SLC7A14: variants seen among roughly 807,000 people sequenced by gnomAD.
SLC7A14 encodes solute carrier family 7 member 14.
Under a neutral mutation model 60.2 loss-of-function variants are expected in SLC7A14, and 37 were observed. That is an observed-to-expected ratio of 0.61 (90% CI 0.47 to 0.81). SLC7A14 has a LOEUF of 0.81. Among genes scored for constraint, SLC7A14 ranks in the 30% least tolerant of loss-of-function variants. The pLI, the probability that SLC7A14 is intolerant of heterozygous loss-of-function variation, is 0.00. For missense variants in SLC7A14, 886 were observed against 982.7 expected, an observed-to-expected ratio of 0.90 and a Z score of 1.32; for synonymous variants, 399 against 395.8, an observed-to-expected ratio of 1.01 and a Z score of -0.10.
intron 1 of SLC7A14, among the ~76,000 whole-genome samples, chr3:170,558,293 G>A (rs991920718): frequency 1.3e-5 from 2 of 152,070 alleles, no homozygotes; most frequent in East Asian, 1.9e-4. Flanking sequence ...GCTTGAACCC[G>A]GGAAGCAGAG....
Position 170,527,026 on chromosome 3 carries a change from G to A in SLC7A14, c.-90C>T. On this transcript the variant is annotated 5_prime_UTR_variant, in exon 2 of 8. Transcript: ENST00000231706. Reference sequence around the variant, plus strand: ...GGTTCTGGAACTCATCTAGTGAACAGGGATCTCCCTTTTAGGAAAGGCCCA... The same window carrying A: ...GGTTCTGGAACTCATCTAGTGAACAAGGATCTCCCTTTTAGGAAAGGCCCA... 6.5e-6 allele frequency: 9 copies of A among 1,391,248 alleles called. No individual in the cohort carries two copies. Among genetic ancestry groups the A allele is most frequent in the South Asian group, 5.7e-5 (4 of 69,944 alleles). The allele number at this position is 1,391,248 out of a possible 1,614,324, so 86.2% of individuals were successfully genotyped here.
chr3:170,550,874 A>AT (rs1714329124), intron 1 of SLC7A14, among the ~76,000 whole-genome samples: 1 of 152,012 alleles, frequency 6.6e-6, no homozygotes, highest in Non-Finnish European at 1.5e-5. Flanking sequence ...CAGCACATAT[A>AT]TTTTTTAAAA....
chr3:170,540,477 A>G (rs1713990198), intron 1 of SLC7A14, among the ~76,000 whole-genome samples: 1 of 151,564 alleles, frequency 6.6e-6, no homozygotes, highest in Non-Finnish European at 1.5e-5. Context: ...TTCATCTGGC[A>G]GGAAAATAGT....
intron 1 of SLC7A14, among the ~76,000 whole-genome samples, chr3:170,538,730 C>T (rs1389260992): frequency 6.6e-6 from 1 of 152,162 alleles, no homozygotes; most frequent in Non-Finnish European, 1.5e-5. Flanking sequence ...AAAGATAGCC[C>T]CTGCCCTCCA....
chr3:170,478,040 G>A (rs1711679353), intron 7 of SLC7A14, among the ~76,000 whole-genome samples: 1 of 152,154 alleles, frequency 6.6e-6, no homozygotes, highest in Admixed American at 6.5e-5. Flanking sequence ...TTAGAGATAA[G>A]AGATTGTATT....
At chr3:170,572,932 A>G (rs2108315934) in intron 1 of SLC7A14, among the ~76,000 whole-genome samples, 1 of 152,354 alleles carries the variant, frequency 6.6e-6, no homozygotes, top group African/African-American at 2.4e-5. Flanking sequence ...AAATAAAAAT[A>G]TTCAAAATGG....
intron 1 of SLC7A14, among the ~76,000 whole-genome samples, chr3:170,546,666 C>G (rs1044243995): frequency 6.6e-6 from 1 of 152,218 alleles, no homozygotes; most frequent in Non-Finnish European, 1.5e-5. Context: ...AGTAATCCCA[C>G]TGTCAACCCA....
intron 7 of SLC7A14, among the ~76,000 whole-genome samples, chr3:170,479,057 G>C (rs527614886): frequency 1.6e-4 from 25 of 152,278 alleles, no homozygotes; most frequent in Non-Finnish European, 3.7e-4. Context: ...GGTTGGCGGA[G>C]GTTGCAGTGG....
At chr3:170,510,398 AAATAAAT>A (rs1457801600) in intron 2 of SLC7A14, among the ~76,000 whole-genome samples, 5 of 139,650 alleles carry the variant, frequency 3.6e-5, no homozygotes, top group Non-Finnish European at 6.2e-5. Context: ...AAAAAAAAAA[AAATAAAT>A]AAATAAATAA....
At chr3:170,534,503 GT>G (rs1447376241) in intron 1 of SLC7A14, among the ~76,000 whole-genome samples, 1 of 152,158 alleles carries the variant, frequency 6.6e-6, no homozygotes, top group African/African-American at 2.4e-5. Context: ...GATGTAAACA[GT>G]TTTGATGATA....
chr3:170,541,285 G>T (rs1358591023), intron 1 of SLC7A14, among the ~76,000 whole-genome samples: 1 of 151,998 alleles, frequency 6.6e-6, no homozygotes, highest in East Asian at 1.9e-4. Context: ...TTAAGCAACT[G>T]TTAAAATATT....
intron 1 of SLC7A14, among the ~76,000 whole-genome samples, chr3:170,558,876 G>C (rs1403444127): frequency 6.6e-6 from 1 of 152,164 alleles, no homozygotes; most frequent in Non-Finnish European, 1.5e-5. Context: ...AAGCAGAAGA[G>C]GTGGTCATTC....
chr3:170,527,622 C>T (rs941445385), intron 1 of SLC7A14, among the ~76,000 whole-genome samples: 2 of 152,124 alleles, frequency 1.3e-5, no homozygotes, highest in African/African-American at 4.8e-5. Context: ...TAAGAGGGGC[C>T]ATGCCACCCC....
chr3:170,497,702 C>T (rs1168956427), intron 4 of SLC7A14, among the ~76,000 whole-genome samples: 1 of 152,194 alleles, frequency 6.6e-6, no homozygotes, highest in African/African-American at 2.4e-5. Flanking sequence ...AAGAGGTGGG[C>T]TAGTGAATTT....
At chr3:170,550,602 A>G (rs949949110) in intron 1 of SLC7A14, among the ~76,000 whole-genome samples, 4 of 135,104 alleles carry the variant, frequency 3.0e-5, no homozygotes, top group African/African-American at 1.2e-4. Flanking sequence ...GCTCACTGCA[A>G]CCTCCGCCTC....
intron 4 of SLC7A14, among the ~76,000 whole-genome samples, chr3:170,488,291 C>A (rs1206333789): frequency 1.3e-5 from 2 of 152,116 alleles, no homozygotes; most frequent in Non-Finnish European, 2.9e-5. Context: ...AGTTCCATCT[C>A]TAGATGGCTA....
intron 2 of SLC7A14, among the ~76,000 whole-genome samples, chr3:170,512,972 T>C (rs1713034646): frequency 6.6e-6 from 1 of 152,148 alleles, no homozygotes; most frequent in Non-Finnish European, 1.5e-5. Flanking sequence ...GGGTAAACTG[T>C]GGCCGCAGTG....
chr3:170,496,616 G>A, intron 4 of SLC7A14: 4 of 1,557,972 alleles, frequency 2.6e-6, no homozygotes, highest in Non-Finnish European at 3.5e-6. Context: ...GGAAGCTGCT[G>A]GAGGGCGAGG....
Position 170,461,985 on chromosome 3 carries a change from C to T in SLC7A14, c.*5070G>A, listed in dbSNP as rs1739614974. ...GGAAGTTAGGGACACCTCTGCACTA[C>T]TCACTGACCTGAGGTTTATACTCCA... On this transcript the variant is annotated 3_prime_UTR_variant, in exon 8 of 8. Transcript: ENST00000231706. 6.6e-6 allele frequency: 1 copy of T among 152,446 alleles called. No individual in the cohort carries two copies. The highest frequency in any genetic ancestry group is 1.5e-5 in the Non-Finnish European group (1 of 68,078). 9.4% of individuals were successfully genotyped at this position (152,446 alleles called of 1,614,324 possible). A position where few individuals can be genotyped will look rare whatever the true frequency, so the allele number is the denominator to read the frequency against.
Sources: allele counts gnomAD v4.1 joint callset (sites outside exome capture counted in the v4.1 genomes callset), GRCh38; gene constraint gnomAD v4.1.1; transcripts MANE v1.5; gene names NCBI Gene and HGNC (gene_info 2026-07-23, HGNC 2026-07-21).